Variants in PACRG observed in about 807,000 individuals in gnomAD.
PACRG encodes the protein parkin coregulated gene protein.
A neutral mutation model predicts 29.7 loss-of-function variants in PACRG; 29 were observed. The ratio of observed to expected loss-of-function variants is 0.98; its 90% CI spans 0.73 to 1.33. The LOEUF is 1.33. PACRG is among the 40% of genes most tolerant of loss of function. The pLI is 0.00. For synonymous variants in PACRG, 116 were observed against 118.7 expected (o/e 0.98, Z 0.15); for missense variants, 279 against 316.2 (o/e 0.88, Z 0.89).
intron 2 of PACRG, among the ~76,000 whole-genome samples, chr6:162,843,979 G>T (rs1328936669): frequency 5.3e-5 from 6 of 113,904 alleles, no homozygotes; most frequent in African/African-American, 1.7e-4. Flanking sequence ...CTGCGTGCTG[G>T]GAGAACCACT....
rs1465957017 is a variant in PACRG at position 162,803,238 on chromosome 6, G to T, written c.157-10909G>T. The stretch of plus-strand genomic sequence containing the variant: ...GGAAGGAGAAAAGAAAAGAGTGAGG[G>T]CACGAGGGAGAATTACAGGCTGATG... On this transcript the variant is annotated intron_variant, in intron 1 of 4. Transcript: ENST00000366888. Among the ~76,000 whole-genome samples the T allele has an allele frequency of 2.6e-5, 4 of 152,262 alleles. No individual in the cohort carries two copies. The East Asian group carries it at 7.7e-4, about 29-fold the overall frequency.
chr6:163,205,012 G>T (rs1313048116), intron 4 of PACRG, among the ~76,000 whole-genome samples: 2 of 152,158 alleles, frequency 1.3e-5, no homozygotes, highest in African/African-American at 4.8e-5. Flanking sequence ...GCTAACCATG[G>T]AGGTGAAAGA....
At chr6:162,906,409 G>C (rs1795936918) in intron 2 of PACRG, among the ~76,000 whole-genome samples, 3 of 151,956 alleles carry the variant, frequency 2.0e-5, no homozygotes, top group African/African-American at 4.8e-5. Context: ...TTCTTTTCTT[G>C]GTAAAAACTA....
At chr6:162,905,834 C>G (rs1450957183) in intron 2 of PACRG, among the ~76,000 whole-genome samples, 1 of 152,114 alleles carries the variant, frequency 6.6e-6, no homozygotes, top group Non-Finnish European at 1.5e-5. Context: ...ATGTCCAAAC[C>G]AGTCCAATGG....
At chr6:163,174,917 T>C (rs1779271395) in intron 4 of PACRG, among the ~76,000 whole-genome samples, 1 of 152,162 alleles carries the variant, frequency 6.6e-6, no homozygotes. Flanking sequence ...CCACCTTTGA[T>C]ACATGAAGAA....
At chr6:162,727,954 G>T (rs1779398418), upstream of PACRG, 1 of 595,284 alleles carries the variant, frequency 1.7e-6, no homozygotes, top group African/African-American at 1.9e-5. Context: ...GGGGCTATGC[G>T]CCCGCCGTGT....
At chr6:162,864,203 T>C (rs1013644141) in intron 2 of PACRG, among the ~76,000 whole-genome samples, 1 of 152,200 alleles carries the variant, frequency 6.6e-6, no homozygotes, top group Non-Finnish European at 1.5e-5. Context: ...CCATGCTGCT[T>C]GAATAAAAAT....
intron 1 of PACRG, among the ~76,000 whole-genome samples, chr6:162,813,034 C>T (rs1296859485): frequency 1.3e-5 from 2 of 151,860 alleles, no homozygotes; most frequent in Non-Finnish European, 2.9e-5. Context: ...TTTCTTAATA[C>T]CACACTTAAT....
At chr6:163,036,960 G>A (rs1236000954) in intron 2 of PACRG, among the ~76,000 whole-genome samples, 1 of 151,852 alleles carries the variant, frequency 6.6e-6, no homozygotes, top group East Asian at 1.9e-4. Context: ...CTAAGTTCTG[G>A]GCCAGATATA....
At chr6:162,802,734 G>C (rs1237149838) in intron 1 of PACRG, among the ~76,000 whole-genome samples, 1 of 151,992 alleles carries the variant, frequency 6.6e-6, no homozygotes, top group Non-Finnish European at 1.5e-5. Context: ...TAGATTTTCA[G>C]ATGGATACTT....
At chr6:163,241,810 T>C (rs1782519381) in intron 4 of PACRG, among the ~76,000 whole-genome samples, 1 of 152,128 alleles carries the variant, frequency 6.6e-6, no homozygotes, top group East Asian at 1.9e-4. Context: ...TGAGAGGCCA[T>C]GGTAAACCCA....
intron 2 of PACRG, among the ~76,000 whole-genome samples, chr6:162,943,297 T>G (rs1269086848): frequency 1.3e-5 from 2 of 152,026 alleles, no homozygotes; most frequent in African/African-American, 4.8e-5. Context: ...CCCATTGATA[T>G]CCCCCATCCA....
Position 162,948,421 on chromosome 6 carries a change from C to A in PACRG, c.292-113729C>A, listed in dbSNP as rs537525642. On this transcript the variant is annotated intron_variant, in intron 2 of 4. Coordinates refer to ENST00000366888, the MANE Select transcript of PACRG (RefSeq NM_001080379.2). ...ATGAATTGAACACTTAAATGTAAGA[C>A]CTGAAACTAAAAACTAGAAGAAAAC... Among the ~76,000 whole-genome samples the A allele has an allele frequency of 1.1e-4, 16 of 152,076 alleles. No individual in the cohort carries two copies. The South Asian group carries it at 1.2e-3, about 12-fold the overall frequency.
At chr6:163,142,216 A>G (rs982886174) in intron 4 of PACRG, among the ~76,000 whole-genome samples, 2 of 152,204 alleles carry the variant, frequency 1.3e-5, no homozygotes, top group African/African-American at 4.8e-5. Flanking sequence ...AAGAGCAAAC[A>G]TTCATGAAAT....
At chr6:162,912,270 T>C (rs547258923) in intron 2 of PACRG, among the ~76,000 whole-genome samples, 110 of 152,342 alleles carry the variant, frequency 7.2e-4, no homozygotes, top group African/African-American at 2.5e-3. Context: ...AATTCCCTTC[T>C]GCCACTAATA....
At chr6:163,206,515 A>G (rs1465202825) in intron 4 of PACRG, among the ~76,000 whole-genome samples, 2 of 152,120 alleles carry the variant, frequency 1.3e-5, no homozygotes, top group Non-Finnish European at 2.9e-5. Context: ...ACATAGACAC[A>G]AAGAGGAGAA....
At chr6:162,738,762 G>A (rs1780354994) in intron 1 of PACRG, among the ~76,000 whole-genome samples, 1 of 152,146 alleles carries the variant, frequency 6.6e-6, no homozygotes, top group Non-Finnish European at 1.5e-5. Context: ...TATGTATAGA[G>A]CTTTGTAAAC....
intron 1 of PACRG, among the ~76,000 whole-genome samples, chr6:162,767,100 G>C: frequency 6.6e-6 from 1 of 152,026 alleles, no homozygotes; most frequent in East Asian, 1.9e-4. Context: ...TGTAATACAT[G>C]ATACAGTTTT....
At chr6:163,124,333 C>A (rs1030775369) in intron 4 of PACRG, among the ~76,000 whole-genome samples, 2 of 151,990 alleles carry the variant, frequency 1.3e-5, no homozygotes, top group African/African-American at 4.8e-5. Flanking sequence ...AACTTCAGAA[C>A]AATTTGACCA....
Sources: allele counts gnomAD v4.1 joint callset (sites outside exome capture counted in the v4.1 genomes callset), GRCh38; gene constraint gnomAD v4.1.1; transcripts MANE v1.5; gene names NCBI Gene and HGNC (gene_info 2026-07-23, HGNC 2026-07-21).